METTL6: variants seen among roughly 807,000 people sequenced by gnomAD.
METTL6 encodes the protein methyltransferase 6, tRNA N3-cytidine.
METTL6 carries 22 observed loss-of-function variants against 26.4 expected under a neutral mutation model. That is an observed-to-expected ratio of 0.83 (90% CI 0.59 to 1.19). The LOEUF is 1.19. Ranked by LOEUF, METTL6 falls within the 50% of genes most tolerant of loss-of-function variation. METTL6 has a pLI of 0.00. For missense variants in METTL6, 304 were observed against 324.8 expected, an observed-to-expected ratio of 0.94 and a Z score of 0.49; for synonymous variants, 109 against 116.2, an observed-to-expected ratio of 0.94 and a Z score of 0.40.
chr3:15,425,216 T>G, intron 2 of METTL6, 127 bp from the exon 3 acceptor site: 1 of 981,346 alleles, frequency 1.0e-6, no homozygotes, highest in Non-Finnish European at 1.5e-6. Flanking sequence ...AGAGAACTAA[T>G]AAGCAAAAGC....
At chr3:15,411,906 G>A (rs2124968225) in intron 5 of METTL6, among the ~76,000 whole-genome samples, 1 of 152,088 alleles carries the variant, frequency 6.6e-6, no homozygotes, top group African/African-American at 2.4e-5. Flanking sequence ...GGGACTACAG[G>A]CACACACTAC....
chr3:15,426,266 T>A, intron 2 of METTL6, 21 bp downstream of exon 2: 1 of 1,606,160 alleles, frequency 6.2e-7, no homozygotes, highest in Non-Finnish European at 8.5e-7. Flanking sequence ...ACAGCTCAGA[T>A]AAGGCGTAAT....
chr3:15,415,706 A>G (rs1179423684), intron 4 of METTL6, 66 bp downstream of exon 4: 1 of 1,597,756 alleles, frequency 6.3e-7, no homozygotes, highest in African/African-American at 1.3e-5. Context: ...CATGAGCCTC[A>G]TGAGGGAAGG....
At chr3:15,408,778 C>T (rs1360685506), downstream of METTL6, among the ~76,000 whole-genome samples, 1 of 151,988 alleles carries the variant, frequency 6.6e-6, no homozygotes, top group African/African-American at 2.4e-5. Flanking sequence ...GGTCTTGCTA[C>T]ATCACCCAGG....
chr3:15,416,502 A>T (rs1040047012), intron 3 of METTL6, among the ~76,000 whole-genome samples: 1 of 152,058 alleles, frequency 6.6e-6, no homozygotes, highest in East Asian at 1.9e-4. Context: ...TGATCCTCCC[A>T]CTTCAGCCTT....
exon 7 of METTL6, chr3:15,383,417 T>TA (rs35251977): frequency 3.3e-5 from 5 of 149,880 alleles, no homozygotes; most frequent in African/African-American, 1.2e-4. Context: ...TTTTTTTTTT[T>TA]ATTAGAGACA....
At chr3:15,424,632 A>T (rs6798163) in intron 3 of METTL6, among the ~76,000 whole-genome samples, 21,812 of 152,204 alleles carry the variant, frequency 0.14, 2,818 homozygotes, top group African/African-American at 0.35. Context: ...GGCCTTTTTT[A>T]AGGGGAGATG....
At chr3:15,400,496 T>C (rs567437725) in intron 6 of METTL6, among the ~76,000 whole-genome samples, 17 of 152,266 alleles carry the variant, frequency 1.1e-4, no homozygotes, top group Admixed American at 3.3e-4. Flanking sequence ...CCCTTTCCCC[T>C]ACAGAAAAAA....
Position 15,426,621 on chromosome 3 carries a change from A to G in METTL6, c.-110T>C. On this transcript the variant is annotated 5_prime_UTR_variant, in exon 2 of 6. Transcript: ENST00000383790. ...TTTCCTGAGGTGAGTTTCACGCCTCAAACAGCACAGGGGGCTTCGCAGAGA... is the reference window on the plus strand; with the variant it reads ...TTTCCTGAGGTGAGTTTCACGCCTCGAACAGCACAGGGGGCTTCGCAGAGA... 1 of 987,292 alleles carries G rather than the reference A, an allele frequency of 1.0e-6. No homozygotes were observed. The highest frequency in any genetic ancestry group is 1.5e-6 in the Non-Finnish European group (1 of 654,782). 61.2% of individuals were successfully genotyped at this position (987,292 alleles called of 1,614,324 possible). A position where few individuals can be genotyped will look rare whatever the true frequency, so the allele number is the denominator to read the frequency against.
At chr3:15,420,024 G>A (rs1406441180) in intron 3 of METTL6, among the ~76,000 whole-genome samples, 2 of 151,896 alleles carry the variant, frequency 1.3e-5, no homozygotes. Context: ...ACCATGCCCG[G>A]CTAATTTTTG....
intron 6 of METTL6, among the ~76,000 whole-genome samples, chr3:15,398,923 T>C (rs1699563601): frequency 6.6e-6 from 1 of 152,092 alleles, no homozygotes; most frequent in Non-Finnish European, 1.5e-5. Flanking sequence ...CAGGATGAGA[T>C]AGGTCAGCAC....
intron 6 of METTL6, among the ~76,000 whole-genome samples, chr3:15,396,717 AGC>A (rs1699499340): frequency 1.3e-5 from 2 of 152,324 alleles, no homozygotes; most frequent in African/African-American, 4.8e-5. Flanking sequence ...CAGGACCCTC[AGC>A]TACAGGTCTG....
chr3:15,402,855 C>T (rs111659013), intron 6 of METTL6, among the ~76,000 whole-genome samples: 6 of 151,568 alleles, frequency 4.0e-5, no homozygotes, highest in Admixed American at 6.6e-5. Context: ...TGGGGAATTG[C>T]GAATCTTGTG....
chr3:15,393,024 T>C (rs530483244), intron 6 of METTL6, among the ~76,000 whole-genome samples: 1 of 152,346 alleles, frequency 6.6e-6, no homozygotes, highest in African/African-American at 2.4e-5. Flanking sequence ...TTTTTTCCAA[T>C]TCTGTGAAGA....
rs112180344 is a variant in METTL6, at chr3:15,420,095, C to T, written c.361-4153G>A. On this transcript the variant is annotated intron_variant, in intron 3 of 5. Coordinates refer to ENST00000383790, the MANE Select transcript of METTL6 (RefSeq NM_152396.4). The stretch of plus-strand genomic sequence containing the variant: ...CAGGATGGTCTCGATCTCCTGACCT[C>T]GTGATCTGCCCACCTCGGCCTCTCA... 8.0e-3 allele frequency among the ~76,000 whole-genome samples: 1,222 copies of T among 152,192 alleles called. 23 individuals are homozygous for T. Among genetic ancestry groups the T allele is most frequent in the African/African-American group, 0.027 (1,122 of 41,526 alleles).
downstream of METTL6, among the ~76,000 whole-genome samples, chr3:15,408,182 T>C (rs943401784): frequency 1.3e-5 from 2 of 152,182 alleles, no homozygotes; most frequent in African/African-American, 4.8e-5. Context: ...GACTTCAGAA[T>C]AGAGGATATC....
At chr3:15,401,462 T>C (rs1383541374) in intron 6 of METTL6, among the ~76,000 whole-genome samples, 3 of 149,528 alleles carry the variant, frequency 2.0e-5, no homozygotes, top group African/African-American at 4.9e-5. Context: ...GCATGAGCCA[T>C]TGTGTCTGGC....
chr3:15,397,010 GCT>G (rs1161894893), intron 6 of METTL6, among the ~76,000 whole-genome samples: 13 of 152,202 alleles, frequency 8.5e-5, no homozygotes, highest in Non-Finnish European at 1.6e-4. Context: ...TCTCTTCAAA[GCT>G]GTCAGACAGG....
Position 15,426,526 on chromosome 3 carries a change from G to GT in METTL6, c.-16dup, listed in dbSNP as rs752100328. On this transcript the variant is annotated 5_prime_UTR_variant, in exon 2 of 6. Transcript: ENST00000383790. The stretch of plus-strand genomic sequence containing the variant: ...AAAGAAGCCATCTCTGAAACTGACG[G>GT]TAACACTTAACACAGCTGAAGATTC... The GT allele has an allele frequency of 5.0e-6, 8 of 1,606,032 alleles. No individual in the cohort carries two copies. The highest frequency in any genetic ancestry group is 4.5e-5 in the East Asian group (2 of 44,848).
Sources: allele counts gnomAD v4.1 joint callset (sites outside exome capture counted in the v4.1 genomes callset), GRCh38; gene constraint gnomAD v4.1.1; transcripts MANE v1.5; gene names NCBI Gene and HGNC (gene_info 2026-07-23, HGNC 2026-07-21).